The following ZNF385D variants were observed in gnomAD, a reference collection of about 807,000 sequenced individuals.
The protein encoded by ZNF385D is zinc finger protein 659.
A neutral mutation model predicts 35.8 loss-of-function variants in ZNF385D; 15 were observed. The observed-to-expected ratio is 0.42, with a 90% CI of 0.28 to 0.64. The LOEUF is 0.64. ZNF385D is among the 30% of genes least tolerant of loss of function. The pLI is 0.23. For missense variants in ZNF385D, 474 were observed against 494.6 expected (o/e 0.96, Z 0.39); for synonymous variants, 212 against 186.8 (o/e 1.13, Z -1.10).
At chr3:22,008,578 G>C (rs554599647) in intron 3 of ZNF385D, among the ~76,000 whole-genome samples, 8 of 152,002 alleles carry the variant, frequency 5.3e-5, no homozygotes, top group Admixed American at 1.3e-4. Context: ...GCATGGTCTC[G>C]ATCTCCTGAC....
intron 4 of ZNF385D, among the ~76,000 whole-genome samples, chr3:21,457,515 C>G (rs569772234): frequency 2.6e-5 from 4 of 152,146 alleles, no homozygotes; most frequent in Admixed American, 1.3e-4. Flanking sequence ...GCCACCATGC[C>G]TAGCTAATTT....
intron 2 of ZNF385D, among the ~76,000 whole-genome samples, chr3:22,274,857 G>T (rs1171874119): frequency 2.7e-5 from 4 of 148,736 alleles, no homozygotes; most frequent in East Asian, 2.0e-4. Context: ...TTTTTTACCT[G>T]AACTGAAGAA....
intron 1 of ZNF385D, among the ~76,000 whole-genome samples, chr3:21,728,906 A>G (rs2068878235): frequency 6.6e-6 from 1 of 152,158 alleles, no homozygotes; most frequent in Non-Finnish European, 1.5e-5. Context: ...GAAAATGTAA[A>G]TTATTTGAGC....
rs575452757 is a variant in ZNF385D, at chr3:21,719,492, G to A, written c.22+31403C>T. Among the ~76,000 whole-genome samples, 6 of 152,206 alleles carry A rather than the reference G, an allele frequency of 3.9e-5. No individual in the cohort carries two copies. The East Asian group carries it at 5.8e-4, about 15-fold the overall frequency. On this transcript the variant is annotated intron_variant, in intron 1 of 7. Coordinates refer to ENST00000281523, the MANE Select transcript of ZNF385D (RefSeq NM_024697.3). Reference sequence around the variant, plus strand: ...GGAATTTCCTCTGGAGAGAGCACGCGCACTTTAATTTTACCGATCCTCAAA... The same window carrying A: ...GGAATTTCCTCTGGAGAGAGCACGCACACTTTAATTTTACCGATCCTCAAA...
rs36017229 is a variant in ZNF385D at position 22,274,670 on chromosome 3, TA to T, written c.106+97779del. Among the ~76,000 whole-genome samples the T allele has an allele frequency of 2.8e-3, 369 of 130,368 alleles. 4 individuals are homozygous for T. The highest frequency in any genetic ancestry group is 8.9e-3 in the African/African-American group (282 of 31,584). 85.5% of individuals were successfully genotyped at this position (130,368 alleles called of 152,430 possible). A position where few individuals can be genotyped will look rare whatever the true frequency, so the allele number is the denominator to read the frequency against. ...TATTTGTTCATTTTAGTAAATTTTTTAAAAAAAAGAAGTAAAATAGGTTTGA... is the reference window on the plus strand; with the variant it reads ...TATTTGTTCATTTTAGTAAATTTTTTAAAAAAAGAAGTAAAATAGGTTTGA... On this transcript the variant is annotated intron_variant, in intron 2 of 5. Coordinates refer to the ZNF385D transcript ENST00000494108.
intron 3 of ZNF385D, among the ~76,000 whole-genome samples, chr3:21,920,990 C>A (rs931162662): frequency 6.6e-6 from 1 of 151,438 alleles, no homozygotes; most frequent in Admixed American, 6.6e-5. Context: ...CTGAGGCGGG[C>A]GGATCATGAG....
rs149964791 is a variant in ZNF385D at position 22,090,281 on chromosome 3, G to A, written c.325+78536C>T. Among the ~76,000 whole-genome samples, 9 of 152,268 alleles carry A rather than the reference G, an allele frequency of 5.9e-5. No individual in the cohort carries two copies. The East Asian group carries it at 1.5e-3, about 26-fold the overall frequency. On this transcript the variant is annotated intron_variant, in intron 3 of 5. Transcript: ENST00000494108. ...TATTCCTATGCTTCATTGCAGTGCTGAGCTTCTTACTACTGGGAAATGGGA... is the reference window on the plus strand; with the variant it reads ...TATTCCTATGCTTCATTGCAGTGCTAAGCTTCTTACTACTGGGAAATGGGA...
chr3:22,314,308 G>C (rs562541651), intron 2 of ZNF385D, among the ~76,000 whole-genome samples: 1 of 151,840 alleles, frequency 6.6e-6, no homozygotes, highest in African/African-American at 2.4e-5. Context: ...AAAGTCTATC[G>C]TATCATTCTT....
intron 3 of ZNF385D, among the ~76,000 whole-genome samples, chr3:22,032,488 G>A (rs891995296): frequency 5.9e-5 from 9 of 152,118 alleles, no homozygotes; most frequent in South Asian, 2.1e-4. Context: ...CCACCCACCA[G>A]GTTCTTCCCT....
At chr3:22,008,110 C>G (rs1475098482) in intron 3 of ZNF385D, among the ~76,000 whole-genome samples, 1 of 151,878 alleles carries the variant, frequency 6.6e-6, no homozygotes, top group Non-Finnish European at 1.5e-5. Context: ...ATTTAGTTGA[C>G]CCTTTATTAT....
chr3:21,763,234 G>C (rs2070695219), intron 3 of ZNF385D, among the ~76,000 whole-genome samples: 2 of 152,130 alleles, frequency 1.3e-5, no homozygotes. Context: ...ACCCTGGTCT[G>C]TGTACTCTGT....
At chr3:21,600,810 A>AT (rs1459324549) in intron 2 of ZNF385D, among the ~76,000 whole-genome samples, 1 of 152,120 alleles carries the variant, frequency 6.6e-6, no homozygotes, top group Non-Finnish European at 1.5e-5. Flanking sequence ...GCTCTGAGAA[A>AT]TTATAAATAT....
At chr3:21,874,622 C>A (rs1697868769) in intron 3 of ZNF385D, among the ~76,000 whole-genome samples, 1 of 151,988 alleles carries the variant, frequency 6.6e-6, no homozygotes. Context: ...TAATATGTTT[C>A]AAAATCAGGA....
At chr3:22,146,906 G>A (rs1334978616) in intron 3 of ZNF385D, among the ~76,000 whole-genome samples, 1 of 152,048 alleles carries the variant, frequency 6.6e-6, no homozygotes, top group African/African-American at 2.4e-5. Flanking sequence ...GTATTGTTTT[G>A]TCTCGTTTTT....
At chr3:22,035,399 G>C (rs1214707389) in intron 3 of ZNF385D, among the ~76,000 whole-genome samples, 1 of 152,150 alleles carries the variant, frequency 6.6e-6, no homozygotes, top group Non-Finnish European at 1.5e-5. Flanking sequence ...CTAAATCCAA[G>C]TATAATTCCC....
chr3:22,007,788 T>C (rs1623739), intron 3 of ZNF385D, among the ~76,000 whole-genome samples: 1 of 151,666 alleles, frequency 6.6e-6, no homozygotes, highest in Non-Finnish European at 1.5e-5. Flanking sequence ...TCAACTGCCT[T>C]TTGATATGAT....
intron 3 of ZNF385D, among the ~76,000 whole-genome samples, chr3:22,029,752 C>G (rs962081107): frequency 2.6e-5 from 4 of 151,870 alleles, no homozygotes; most frequent in Admixed American, 6.6e-5. Flanking sequence ...TGGTGCATTT[C>G]TAGTTGTATG....
At chr3:21,844,994 G>A (rs746197326) in intron 3 of ZNF385D, among the ~76,000 whole-genome samples, 39 of 151,454 alleles carry the variant, frequency 2.6e-4, no homozygotes, top group Admixed American at 4.6e-4. Flanking sequence ...GCCAAATCAT[G>A]AACGAAGGCA....
At chr3:21,627,888 A>G (rs951963468) in intron 2 of ZNF385D, among the ~76,000 whole-genome samples, 1 of 152,138 alleles carries the variant, frequency 6.6e-6, no homozygotes, top group African/African-American at 2.4e-5. Flanking sequence ...ATTTTGATTT[A>G]TACTACAAAT....
Sources: gnomAD v4.1 joint callset for allele counts (sites outside exome capture counted in the v4.1 genomes callset) on GRCh38, gnomAD v4.1.1 for gene constraint, MANE v1.5 for transcripts, NCBI Gene and HGNC (gene_info 2026-07-23, HGNC 2026-07-21) for gene names.